The following PRDM15 variants were observed in gnomAD, a reference collection of about 807,000 sequenced individuals.
The protein encoded by PRDM15 is PR domain zinc finger protein 15.
Under a neutral mutation model 128.6 loss-of-function variants are expected in PRDM15, and 64 were observed. That is an observed-to-expected ratio of 0.50 (90% CI 0.41 to 0.61). PRDM15 has a LOEUF of 0.61. PRDM15 is among the 20% of genes least tolerant of loss of function. The pLI is 0.00. For synonymous variants in PRDM15, 615 were observed against 621.8 expected (o/e 0.99, Z 0.16); for missense variants, 1,242 against 1,569.1 (o/e 0.79, Z 3.52).
rs1426150202 is a variant in PRDM15, at chr21:41,859,434, G to A, written c.131+158C>T. On this transcript the variant is annotated intron_variant, in intron 3 of 23. Transcript: ENST00000398548. This position sits in a 1 kb window ranked among gnomAD's most constrained non-coding sequence, Gnocchi z 5.3. Reference sequence around the variant, plus strand: ...TGTTTTGGTGTGTCCCGGCAGCAACGCTGCTCAGTTCACAGTGGGAGCGGA... The same window carrying A: ...TGTTTTGGTGTGTCCCGGCAGCAACACTGCTCAGTTCACAGTGGGAGCGGA... Among the ~76,000 whole-genome samples, 2 of 152,202 alleles carry A rather than the reference G, an allele frequency of 1.3e-5. No homozygotes were observed. The highest frequency in any genetic ancestry group is 2.4e-5 in the African/African-American group (1 of 41,450).
intron 8 of PRDM15, 87 bp downstream of exon 8, chr21:41,837,847 T>C: frequency 1.4e-6 from 2 of 1,454,902 alleles, no homozygotes; most frequent in Admixed American, 3.4e-5. Flanking sequence ...GCTTTCCTGC[T>C]GGGAAGGTGC....
chr21:41,854,490 CA>C lies in PRDM15; in HGVS notation c.538+75del. ...ACCCATCTCATCAGTGTGGGGTCAG[CA>C]CAGAGCCAAGGGACCATAACCCCTT... On this transcript the variant is annotated intron_variant, in intron 5 of 23. Transcript: ENST00000398548. This position sits in a 1 kb window ranked among gnomAD's most constrained non-coding sequence, Gnocchi z 4.6. 6.4e-7 allele frequency: 1 copy of C among 1,566,248 alleles called. No homozygotes were observed. Among genetic ancestry groups the C allele is most frequent in the Non-Finnish European group, 8.6e-7 (1 of 1,160,494 alleles).
intron 22 of PRDM15, among the ~76,000 whole-genome samples, chr21:41,803,838 T>C (rs1365492120): frequency 3.3e-5 from 5 of 152,106 alleles, no homozygotes; most frequent in Admixed American, 6.6e-5. Flanking sequence ...CACGTTCTCT[T>C]TGAAATAAAA....
rs138999536 is a variant in PRDM15 at position 41,804,300 on chromosome 21, T to C, written c.2733+234A>G. ...TTTCTATTTTTTTCTGGAAAACATC[T>C]GTTTTCCAAAGTGAGATACACCAGT... On this transcript the variant is annotated intron_variant, in intron 22 of 23. Transcript: ENST00000398548. Among the ~76,000 whole-genome samples the C allele has an allele frequency of 4.0e-3, 614 of 152,352 alleles. 2 individuals carry two copies. The highest frequency in any genetic ancestry group is 0.013 in the African/African-American group (543 of 41,592).
chr21:41,812,445 C>G (rs540457674), intron 19 of PRDM15: 1 of 152,066 alleles, frequency 6.6e-6, no homozygotes, highest in South Asian at 2.1e-4. Flanking sequence ...AATTAGAGCC[C>G]GGGGGGAGGC....
In PRDM15 at chr21:41,802,921, G is replaced by T. The variant is rs1277256141; in HGVS notation, c.2734C>A (p.Pro912Thr). ...IDASSIGIVQ[P>T]ELTLEQEDLA... ...TCCTCCTGCTCCAGAGTCAGCTCAG[G>T]CTGCAGAAAAATCGGTTTCAGCCGA... Residue 912 changes from proline to threonine, a missense_variant and splice_region_variant, in exon 23 of 24, where the codon CCT (proline) becomes ACT (threonine). Around this residue, in one of 3 missense-constraint regions of PRDM15, gnomAD observed 602 missense variants for 788.3 expected, o/e 0.76. Transcript: ENST00000398548. The T allele has an allele frequency of 6.2e-7, 1 of 1,613,692 alleles. No homozygotes were observed. Among genetic ancestry groups the T allele is most frequent in the Non-Finnish European group, 8.5e-7 (1 of 1,179,920 alleles).
In PRDM15 at chr21:41,859,883, C is replaced by A. The variant is rs549390619; in HGVS notation, c.38-198G>T. On this transcript the variant is annotated intron_variant, in intron 2 of 23. Transcript: ENST00000398548. The surrounding 1 kb of genome is among the most constrained non-coding windows in gnomAD (Gnocchi z 5.3). ...TGTCCCGAAGGCCTCTGTCAGCACT[C>A]GTGCACACATGAGGAGTGCAAAGGC... Among the ~76,000 whole-genome samples, 1 of 152,104 alleles carries A rather than the reference C, an allele frequency of 6.6e-6. No individual in the cohort carries two copies. The highest frequency in any genetic ancestry group is 6.5e-5 in the Admixed American group (1 of 15,282).
At chr21:41,870,532 A>G (rs1262983214) in intron 1 of PRDM15, 1 of 152,156 alleles carries the variant, frequency 6.6e-6, no homozygotes, top group Non-Finnish European at 1.5e-5. Flanking sequence ...CCATCCTGAA[A>G]AATGCTGTGG....
At chr21:41,864,973 G>A (rs2145956731) in intron 1 of PRDM15, among the ~76,000 whole-genome samples, 1 of 145,520 alleles carries the variant, frequency 6.9e-6, no homozygotes, top group East Asian at 2.2e-4. Context: ...CCCCAAGGCT[G>A]GCCCTCTCCC....
chr21:41,821,624 C>T lies in PRDM15; in HGVS notation c.1896+279G>A, dbSNP rs572014377. Among the ~76,000 whole-genome samples the T allele has an allele frequency of 6.6e-6, 1 of 152,316 alleles. No homozygotes were observed. Among genetic ancestry groups the T allele is most frequent in the Admixed American group, 6.5e-5 (1 of 15,302 alleles). ...TTCTAGGAGGCCGACCCCCACACTT[C>T]ATGTGTGTTCCTGAACCGTGTCACA... On this transcript the variant is annotated intron_variant, in intron 15 of 23. Transcript: ENST00000398548. This position sits in a 1 kb window ranked among gnomAD's most constrained non-coding sequence, Gnocchi z 5.4.
At position 41,810,963 on chromosome 21, in the gene PRDM15, A is replaced by G. The variant is rs981677629; in HGVS notation, c.2393-127T>C. On this transcript the variant is annotated intron_variant, in intron 19 of 23. Coordinates refer to ENST00000398548, the MANE Select transcript of PRDM15 (RefSeq NM_001040424.3). The surrounding 1 kb of genome is among the most constrained non-coding windows in gnomAD (Gnocchi z 6.4). ...TCAGGAGAAGGTGAATTGCAAGAAGACAGCAGACAATGAACGCTCATCCCC... is the reference window on the plus strand; with the variant it reads ...TCAGGAGAAGGTGAATTGCAAGAAGGCAGCAGACAATGAACGCTCATCCCC... 1 of 775,650 alleles carries G rather than the reference A, an allele frequency of 1.3e-6. No individual in the cohort carries two copies. The highest frequency in any genetic ancestry group is 2.2e-6 in the Non-Finnish European group (1 of 457,684). 48.0% of individuals were successfully genotyped at this position (775,650 alleles called of 1,614,324 possible).
At chr21:41,816,759 G>C (rs944477769) in intron 18 of PRDM15, among the ~76,000 whole-genome samples, 1 of 152,140 alleles carries the variant, frequency 6.6e-6, no homozygotes, top group Non-Finnish European at 1.5e-5. Flanking sequence ...GGGAGCAAAG[G>C]CCCCACGATG....
At chr21:41,848,558 T>C (rs1482182583) in intron 5 of PRDM15, among the ~76,000 whole-genome samples, 1 of 152,294 alleles carries the variant, frequency 6.6e-6, no homozygotes, top group East Asian at 1.9e-4. Flanking sequence ...AAATTCCCAT[T>C]TCCCACTCAC....
At position 41,816,782 on chromosome 21, in the gene PRDM15, T is replaced by A. The variant is rs113428625; in HGVS notation, c.2261-946A>T. On this transcript the variant is annotated intron_variant, in intron 18 of 23. Transcript: ENST00000398548. Reference sequence around the variant, plus strand: ...AGGCCCCACGATGAAGCCCGCTGCCTGCACACACAGCTGCACAACTCCTGG... The same window carrying A: ...AGGCCCCACGATGAAGCCCGCTGCCAGCACACACAGCTGCACAACTCCTGG... 8.1e-3 allele frequency among the ~76,000 whole-genome samples: 1,237 copies of A among 152,140 alleles called. 23 individuals are homozygous for A. The highest frequency in any genetic ancestry group is 0.029 in the African/African-American group (1,182 of 41,470).
At chr21:41,831,990 T>A (rs189526032) in intron 11 of PRDM15, among the ~76,000 whole-genome samples, 1 of 152,164 alleles carries the variant, frequency 6.6e-6, no homozygotes, top group Non-Finnish European at 1.5e-5. Flanking sequence ...TGCCCTCAGT[T>A]TCGTTTTGGC....
intron 4 of PRDM15, among the ~76,000 whole-genome samples, chr21:41,856,617 T>C (rs2063643303): frequency 6.6e-6 from 1 of 152,146 alleles, no homozygotes; most frequent in South Asian, 2.1e-4. Flanking sequence ...GCTCATTTTT[T>C]ACTTATTCTA....
intron 18 of PRDM15, among the ~76,000 whole-genome samples, chr21:41,817,642 A>C (rs1206762576): frequency 6.6e-6 from 1 of 152,230 alleles, no homozygotes; most frequent in African/African-American, 2.4e-5. Flanking sequence ...GAAGGGCTTG[A>C]AAGATAAAAC....
At chr21:41,852,287 C>G (rs1232718691) in intron 5 of PRDM15, among the ~76,000 whole-genome samples, 1 of 152,252 alleles carries the variant, frequency 6.6e-6, no homozygotes, top group East Asian at 1.9e-4. Context: ...GAACCCAAAC[C>G]CCGGCGTGGC....
In PRDM15 at chr21:41,828,918, A is replaced by G. The variant is rs1471677577; in HGVS notation, c.1367-585T>C. Among the ~76,000 whole-genome samples the G allele has an allele frequency of 6.6e-6, 1 of 150,616 alleles. No individual in the cohort carries two copies. The highest frequency in any genetic ancestry group is 1.5e-5 in the Non-Finnish European group (1 of 67,696). On this transcript the variant is annotated intron_variant, in intron 11 of 23. Coordinates refer to ENST00000398548, the MANE Select transcript of PRDM15 (RefSeq NM_001040424.3). This position sits in a 1 kb window ranked among gnomAD's most constrained non-coding sequence, Gnocchi z 5.7. ...TCACACACCACACAAATACAAACACACTCAACACACACCCCCCACACAAAT... is the reference window on the plus strand; with the variant it reads ...TCACACACCACACAAATACAAACACGCTCAACACACACCCCCCACACAAAT...
Sources: allele counts gnomAD v4.1 joint callset (sites outside exome capture counted in the v4.1 genomes callset), GRCh38; gene constraint gnomAD v4.1.1; regional missense constraint gnomAD v4.1.1; non-coding constraint Gnocchi (gnomAD v3.1); transcripts MANE v1.5; gene names NCBI Gene and HGNC (gene_info 2026-07-23, HGNC 2026-07-21).